The following ZNF567 variants were observed in gnomAD, a reference collection of about 807,000 sequenced individuals.
The protein encoded by ZNF567 is zinc finger protein 567.
ZNF567 carries 36 observed loss-of-function variants against 53.9 expected under a neutral mutation model. That is an observed-to-expected ratio of 0.67 (90% confidence interval 0.51 to 0.88). ZNF567 has a LOEUF of 0.88. ZNF567 is among the 40% of genes least tolerant of loss of function. ZNF567 has a pLI of 0.00. For synonymous variants in ZNF567, 224 were observed against 260.4 expected (o/e 0.86, Z 1.35); for missense variants, 619 against 764.7 (o/e 0.81, Z 2.25).
chr19:36,723,263 T>G, downstream of ZNF567: 1 of 702,824 alleles, frequency 1.4e-6, no homozygotes, highest in Non-Finnish European at 2.6e-6. Flanking sequence ...GTGAGTCACA[T>G]TCTCTGGGAC....
intron 5 of ZNF567, among the ~76,000 whole-genome samples, chr19:36,717,361 A>G (rs551104556): frequency 1.3e-5 from 2 of 152,180 alleles, no homozygotes; most frequent in Non-Finnish European, 2.9e-5. Flanking sequence ...TTCTTTGAAG[A>G]TTCTCTAAAG....
At chr19:36,690,188 A>G (rs2038526333) in intron 2 of ZNF567, among the ~76,000 whole-genome samples, 1 of 152,222 alleles carries the variant, frequency 6.6e-6, no homozygotes, top group East Asian at 1.9e-4. Context: ...GTGTGTGTGT[A>G]TGTGGAAAGT....
At chr19:36,704,379 C>T (rs2039383879) in intron 3 of ZNF567, among the ~76,000 whole-genome samples, 1 of 152,076 alleles carries the variant, frequency 6.6e-6, no homozygotes. Context: ...CAAGGTGGTG[C>T]CACTGCACTC....
At chr19:36,700,683 C>T (rs2039133112) in intron 3 of ZNF567, among the ~76,000 whole-genome samples, 1 of 152,186 alleles carries the variant, frequency 6.6e-6, no homozygotes, top group Admixed American at 6.5e-5. Flanking sequence ...TTATCCATTT[C>T]TTCTAGATTT....
intron 5 of ZNF567, chr19:36,714,376 C>T: frequency 2.6e-6 from 1 of 386,030 alleles, no homozygotes; most frequent in Non-Finnish European, 4.6e-6. Flanking sequence ...GTTGGCCAGG[C>T]TGGTCTCAAA....
At chr19:36,717,141 G>A (rs1207003112) in intron 5 of ZNF567, among the ~76,000 whole-genome samples, 14 of 152,060 alleles carry the variant, frequency 9.2e-5, no homozygotes. Flanking sequence ...AGAGTTTAAA[G>A]ATCACCAATA....
chr19:36,694,950 C>T (rs1205927668), intron 3 of ZNF567, 74 bp downstream of exon 3: 16 of 1,437,376 alleles, frequency 1.1e-5, no homozygotes, highest in African/African-American at 7.5e-5. Flanking sequence ...GGGCATGTGT[C>T]GGTCTTGTCC....
At chr19:36,712,718 C>T in intron 4 of ZNF567, 63 bp from the exon 5 acceptor site, 2 of 1,516,094 alleles carry the variant, frequency 1.3e-6, no homozygotes, top group East Asian at 2.3e-5. Context: ...TGAACATGCC[C>T]CTTTCCTCAT....
downstream of ZNF567, among the ~76,000 whole-genome samples, chr19:36,725,377 A>AT (rs2040331667): frequency 6.6e-6 from 1 of 151,744 alleles, no homozygotes; most frequent in Non-Finnish European, 1.5e-5. Flanking sequence ...TAATTTTGGT[A>AT]TTTTTAGTAG....
downstream of ZNF567, among the ~76,000 whole-genome samples, chr19:36,724,283 G>A (rs573946019): frequency 1.3e-5 from 2 of 151,964 alleles, no homozygotes; most frequent in East Asian, 3.9e-4. Flanking sequence ...TGGGATTACA[G>A]GCGTGAGCCA....
chr19:36,695,522 C>CT (rs1410578330), intron 3 of ZNF567, among the ~76,000 whole-genome samples: 2 of 151,886 alleles, frequency 1.3e-5, no homozygotes, highest in Non-Finnish European at 2.9e-5. Context: ...AAGTGAGACT[C>CT]TATCTCAAAA....
At chr19:36,701,528 A>T (rs997365888) in intron 3 of ZNF567, among the ~76,000 whole-genome samples, 1 of 152,024 alleles carries the variant, frequency 6.6e-6, no homozygotes, top group African/African-American at 2.4e-5. Flanking sequence ...TGGGGTGTTA[A>T]AGTCTCTCCC....
At chr19:36,709,800 G>A (rs1308534531) in intron 3 of ZNF567, among the ~76,000 whole-genome samples, 1 of 152,174 alleles carries the variant, frequency 6.6e-6, no homozygotes, top group Non-Finnish European at 1.5e-5. Flanking sequence ...TGCTGGTGAT[G>A]AATTCTCTAG....
intron 3 of ZNF567, among the ~76,000 whole-genome samples, chr19:36,707,803 T>G (rs555286218): frequency 6.6e-6 from 1 of 152,298 alleles, no homozygotes; most frequent in Admixed American, 6.5e-5. Context: ...GGTTTCGAAC[T>G]CCTGACCTCA....
At chr19:36,679,094 G>A in the ZNF567 span, among the ~76,000 whole-genome samples, 2 of 152,082 alleles carry the variant, frequency 1.3e-5, no homozygotes, top group Admixed American at 6.5e-5. Flanking sequence ...AGACCATCCT[G>A]GCTAAGATGG....
intron 3 of ZNF567, among the ~76,000 whole-genome samples, chr19:36,697,787 T>G (rs2038960327): frequency 1.3e-5 from 2 of 151,978 alleles, no homozygotes; most frequent in African/African-American, 4.8e-5. Context: ...AATTTTTGTA[T>G]TTTTAGTAGA....
chr19:36,695,823 T>A (rs2038858044), intron 3 of ZNF567, among the ~76,000 whole-genome samples: 1 of 152,176 alleles, frequency 6.6e-6, no homozygotes, highest in Non-Finnish European at 1.5e-5. Context: ...TGAACCTGTC[T>A]TGTGTAGATT....
At chr19:36,723,695 G>T (rs1030759921), downstream of ZNF567, among the ~76,000 whole-genome samples, 6 of 152,046 alleles carry the variant, frequency 3.9e-5, no homozygotes, top group African/African-American at 9.7e-5. Context: ...TTAGCCAGGT[G>T]TGGTGGCGCA....
chr19:36,716,875 G>A (rs1293728667), intron 5 of ZNF567, among the ~76,000 whole-genome samples: 1 of 151,984 alleles, frequency 6.6e-6, no homozygotes, highest in East Asian at 1.9e-4. Context: ...GTCCAGGCTG[G>A]AGTGCAGTGG....
Sources: gnomAD v4.1 joint callset for allele counts (sites outside exome capture counted in the v4.1 genomes callset) on GRCh38, gnomAD v4.1.1 for gene constraint, MANE v1.5 for transcripts, NCBI Gene and HGNC (gene_info 2026-07-23, HGNC 2026-07-21) for gene names.